Variants in SLCO4C1 observed in about 807,000 individuals in gnomAD.
SLCO4C1 encodes the protein organic anion transporter M1.
SLCO4C1 carries 58 observed loss-of-function variants against 72.1 expected under a neutral mutation model. The observed-to-expected ratio is 0.80, with a 90% CI of 0.65 to 1.00. SLCO4C1 has a LOEUF of 1.00. SLCO4C1 is among the 50% of genes least tolerant of loss of function. SLCO4C1 has a pLI of 0.00. For missense variants in SLCO4C1, 898 were observed against 857.9 expected (o/e 1.05, Z -0.58); for synonymous variants, 297 against 312.5 (o/e 0.95, Z 0.52).
In SLCO4C1 at chr5:102,236,956, G is replaced by A; in HGVS notation, c.2077C>T (p.Pro693Ser). The A allele has an allele frequency of 1.2e-6, 2 of 1,612,250 alleles. No homozygotes were observed. Among genetic ancestry groups the A allele is most frequent in the Non-Finnish European group, 1.7e-6 (2 of 1,179,602 alleles). ...NGFAIFLYKP[P>S]PSATDVSFHK... The stretch of plus-strand genomic sequence containing the variant: ...AATGACACATCTGTGGCTGATGGAG[G>A]TGGTTTATACAAAAAGATTGCAAAT... Residue 693 changes from proline (P) to serine (S), a missense_variant, in exon 13 of 13, where the codon CCT (proline) becomes TCT (serine). Transcript: ENST00000310954.
rs774808347 is a variant in SLCO4C1 at position 102,249,700 on chromosome 5, C to T, written c.1558G>A (p.Val520Ile). ...SYYYPVCGDGVQYFSPCFAGC... is the reference protein window; with the variant it reads ...SYYYPVCGDGIQYFSPCFAGC... Reference sequence around the variant, plus strand: ...GCAAAGCAGGGAGAAAAATATTGGACTCCATCTCCACAGACAGGATAATAA... The same window carrying T: ...GCAAAGCAGGGAGAAAAATATTGGATTCCATCTCCACAGACAGGATAATAA... The change falls in exon 9 of 13, where the codon GTC (valine) becomes ATC (isoleucine). Residue 520 changes from valine to isoleucine, a missense_variant. Val to Ile is a conservative substitution (Grantham distance 29). Coordinates refer to ENST00000310954, the MANE Select transcript of SLCO4C1 (RefSeq NM_180991.5). The T allele has an allele frequency of 6.2e-7, 1 of 1,613,944 alleles. No homozygotes were observed. Among genetic ancestry groups the T allele is most frequent in the Non-Finnish European group, 8.5e-7 (1 of 1,179,932 alleles).
chr5:102,253,557 A>C (rs985175128), intron 8 of SLCO4C1, among the ~76,000 whole-genome samples: 3 of 152,130 alleles, frequency 2.0e-5, no homozygotes, highest in African/African-American at 7.2e-5. Context: ...CTGTAATCCC[A>C]GCACTTTGGG....
At chr5:102,262,097 A>G in intron 4 of SLCO4C1, 64 bp from the exon 5 acceptor site, 4 of 1,426,512 alleles carry the variant, frequency 2.8e-6, no homozygotes, top group Non-Finnish European at 3.9e-6. Context: ...CTCAGTTAGG[A>G]TAATCATATA....
intron 1 of SLCO4C1, 33 bp downstream of exon 1, chr5:102,295,875 T>C (rs1221840706): frequency 6.3e-7 from 1 of 1,583,022 alleles, no homozygotes; most frequent in Non-Finnish European, 8.6e-7. Flanking sequence ...CGCTCTCCAC[T>C]GGCCCGAGCC....
At chr5:102,247,917 C>CT (rs55692838) in intron 9 of SLCO4C1, among the ~76,000 whole-genome samples, 19,289 of 106,156 alleles carry the variant, frequency 0.18, 1,438 homozygotes, top group Non-Finnish European at 0.23. Context: ...AGGCCAGAAA[C>CT]TTTTTTTTTT....
Position 102,296,094 on chromosome 5 carries a change from TCTGGGGCTC to T in SLCO4C1, c.160_168del (p.Glu54_Gln56del), listed in dbSNP as rs1749648212. On this transcript the variant is annotated inframe_deletion, in exon 1 of 13. Coordinates refer to ENST00000310954, the MANE Select transcript of SLCO4C1 (RefSeq NM_180991.5). ...GAAGGCAGAGATGGCTCTGGTGACT[TCTGGGGCTC>T]CTGGGGCTTCTGAAGCTCCTGTGGC... 9 of 1,614,132 alleles carry T rather than the reference TCTGGGGCTC, an allele frequency of 5.6e-6. No individual in the cohort carries two copies. Among genetic ancestry groups the T allele is most frequent in the Admixed American group, 1.7e-5 (1 of 60,024 alleles).
intron 9 of SLCO4C1, among the ~76,000 whole-genome samples, chr5:102,248,589 C>T (rs565413996): frequency 5.8e-4 from 89 of 152,184 alleles, no homozygotes; most frequent in African/African-American, 2.0e-3. Context: ...TAAAACCCTT[C>T]CTAATAACTC....
chr5:102,257,224 T>G lies in SLCO4C1; in HGVS notation c.1360A>C (p.Met454Leu). 6.2e-7 allele frequency: 1 copy of G among 1,611,714 alleles called. No homozygotes were observed. The highest frequency in any genetic ancestry group is 8.5e-7 in the Non-Finnish European group (1 of 1,179,062). Residue 454 changes from methionine to leucine, a missense_variant, in exon 8 of 13, where the codon ATG becomes CTG. Transcript: ENST00000310954. ...CCAGATGTGAACAGTGCAAACTTCA[T>G]TGTGTTTTTACATGTCATTCTGAAT... Reference protein sequence around the residue: ...SKFRMTCKNTMKFALFTSGVA... With the variant: ...SKFRMTCKNTLKFALFTSGVA...
At chr5:102,271,711 T>C (rs929766923) in intron 2 of SLCO4C1, among the ~76,000 whole-genome samples, 1 of 152,110 alleles carries the variant, frequency 6.6e-6, no homozygotes, top group Non-Finnish European at 1.5e-5. Context: ...TGAACTAATT[T>C]TTCAATTAGT....
At chr5:102,253,931 T>C (rs1304683974) in intron 8 of SLCO4C1, among the ~76,000 whole-genome samples, 2 of 149,264 alleles carry the variant, frequency 1.3e-5, no homozygotes, top group Non-Finnish European at 3.0e-5. Flanking sequence ...ATGTACCCCC[T>C]GAATCTAAAA....
rs2112362507 is a variant in SLCO4C1, at chr5:102,262,024, G to A, written c.909C>T (p.Val303=). The change falls in exon 5 of 13, where the codon GTC becomes GTT. Residue 303 remains valine (V), a synonymous_variant. Transcript: ENST00000310954. ...IDVAMGESTD[V]TEDDPRWLGA... ...CCAACCATCGCGGATCATCCTCAGT[G>A]ACATCAGTGCTATATGATAGAAAAA... 1 of 1,612,368 alleles carries A rather than the reference G, an allele frequency of 6.2e-7. No homozygotes were observed. The highest frequency in any genetic ancestry group is 8.5e-7 in the Non-Finnish European group (1 of 1,179,102).
intron 10 of SLCO4C1, among the ~76,000 whole-genome samples, chr5:102,241,009 A>G (rs193251507): frequency 3.9e-5 from 6 of 152,292 alleles, no homozygotes; most frequent in Admixed American, 2.6e-4. Context: ...AAGAGTCACT[A>G]GTCTTTATTA....
intron 2 of SLCO4C1, among the ~76,000 whole-genome samples, chr5:102,287,352 A>C (rs571847986): frequency 9.5e-4 from 144 of 152,180 alleles, no homozygotes; most frequent in African/African-American, 3.3e-3. Context: ...GAAATTCATA[A>C]AAAATATTAA....
intron 1 of SLCO4C1, among the ~76,000 whole-genome samples, chr5:102,292,925 C>T (rs1004627999): frequency 1.3e-5 from 2 of 151,816 alleles, no homozygotes; most frequent in Non-Finnish European, 2.9e-5. Flanking sequence ...AAATAAAAAA[C>T]ATCTGATTGA....
At chr5:102,273,249 G>A (rs975602439) in intron 2 of SLCO4C1, among the ~76,000 whole-genome samples, 4 of 151,786 alleles carry the variant, frequency 2.6e-5, no homozygotes, top group African/African-American at 9.7e-5. Context: ...TCAAACATAG[G>A]TATAATCAAC....
intron 2 of SLCO4C1, among the ~76,000 whole-genome samples, chr5:102,286,886 A>G (rs1213708714): frequency 6.6e-6 from 1 of 151,576 alleles, no homozygotes; most frequent in African/African-American, 2.4e-5. Context: ...TGTAGAAATC[A>G]TACATGTTTA....
Position 102,260,329 on chromosome 5 carries a change from AAATATAT to A in SLCO4C1, c.1022-17_1022-11del. On this transcript the variant is annotated splice_polypyrimidine_tract_variant and intron_variant, in intron 5 of 12. Coordinates refer to ENST00000310954, the MANE Select transcript of SLCO4C1 (RefSeq NM_180991.5). Reference sequence around the variant, plus strand: ...TGAATTTCTGCTGTACCTAAAAAAAAAATATATATATATATATAATATATATATTATA... The same window carrying A: ...TGAATTTCTGCTGTACCTAAAAAAAAATATATATATAATATATATATTATA... 3 of 32,706 alleles carry A rather than the reference AAATATAT, an allele frequency of 9.2e-5. No individual in the cohort carries two copies. The highest frequency in any genetic ancestry group is 4.8e-4 in the African/African-American group (2 of 4,152). The allele number at this position is 32,706 out of a possible 1,614,324, so 2.0% of individuals were successfully genotyped here. A position where few individuals can be genotyped will look rare whatever the true frequency, so the allele number is the denominator to read the frequency against.
chr5:102,239,145 G>A (rs1748490456), intron 12 of SLCO4C1, 106 bp downstream of exon 12: 1 of 1,015,318 alleles, frequency 9.8e-7, no homozygotes, highest in Admixed American at 3.2e-5. Context: ...TCAACAATGT[G>A]GACTGAACAT....
intron 2 of SLCO4C1, among the ~76,000 whole-genome samples, chr5:102,284,632 CTT>C (rs200671280): frequency 0.27 from 40,590 of 148,328 alleles, 5,748 homozygotes; most frequent in Middle Eastern, 0.32. Flanking sequence ...TAGCGTTCTT[CTT>C]TTTTTTTTTT....
Sources: allele counts gnomAD v4.1 joint callset (sites outside exome capture counted in the v4.1 genomes callset), GRCh38; gene constraint gnomAD v4.1.1; transcripts MANE v1.5; gene names NCBI Gene and HGNC (gene_info 2026-07-23, HGNC 2026-07-21).